ARID1B: variants seen among roughly 807,000 people sequenced by gnomAD.
ARID1B encodes the protein AT-rich interactive domain-containing protein 1B.
A neutral mutation model predicts 212.3 loss-of-function variants in ARID1B; 30 were observed. The ratio of observed to expected loss-of-function variants is 0.14; its 90% confidence interval spans 0.11 to 0.19. ARID1B has a LOEUF of 0.19. ARID1B is among the 10% of genes least tolerant of loss of function. ARID1B has a pLI of 1.00. For missense variants in ARID1B, 2,891 were observed against 3,204.0 expected, an observed-to-expected ratio of 0.90 and a Z score of 2.36; for synonymous variants, 1,402 against 1,301.7, an observed-to-expected ratio of 1.08 and a Z score of -1.66.
At chr6:157,049,544 CA>C (rs1365308303) in intron 4 of ARID1B, among the ~76,000 whole-genome samples, 1 of 152,132 alleles carries the variant, frequency 6.6e-6, no homozygotes, top group Non-Finnish European at 1.5e-5. Context: ...CTTAAGAAGC[CA>C]TGTACATTTT....
At chr6:157,003,702 T>G (rs754356017) in intron 4 of ARID1B, among the ~76,000 whole-genome samples, 2 of 152,204 alleles carry the variant, frequency 1.3e-5, no homozygotes, top group Non-Finnish European at 2.9e-5. Flanking sequence ...TTATTTATTT[T>G]TTAAGAGTTA....
rs1450272524 is a variant in ARID1B at position 157,207,710 on chromosome 6, C to T, written c.6938C>T (p.Pro2313Leu). 2 of 1,602,654 alleles carry T rather than the reference C, an allele frequency of 1.2e-6. No individual in the cohort carries two copies. The highest frequency in any genetic ancestry group is 8.5e-7 in the Non-Finnish European group (1 of 1,170,558). Residue 2313 changes from proline (P) to leucine (L), a missense_variant, in exon 20 of 20, where the codon CCT (proline) becomes CTT (leucine). Physicochemically the swap from Pro to Leu is moderately conservative, Grantham distance 98. Around this residue, in one of 7 missense-constraint regions of ARID1B, gnomAD observed 187 missense variants for 306.5 expected, o/e 0.61. Coordinates refer to ENST00000636930, the MANE Select transcript of ARID1B (RefSeq NM_001374828.1). The surrounding 1 kb of genome is among the most constrained non-coding windows in gnomAD (Gnocchi z 8.5). ...ATGCAGCCCCCGCCCCTGGAACCAC[C>T]TAGCGTAGACATGATGTGCAGGGCG... ...MHMQPPPLEP[P>L]SVDMMCRAAK...
Position 156,927,638 on chromosome 6 carries a change from T to C in ARID1B, c.2137-7828T>C, listed in dbSNP as rs145001278. The stretch of plus-strand genomic sequence containing the variant: ...ACTGCCAGTAACAAACAGCAAAATG[T>C]GTTCTGTAGCACATTTACCAGGCAG... On this transcript the variant is annotated intron_variant, in intron 3 of 19. Transcript: ENST00000636930. Among the ~76,000 whole-genome samples the C allele has an allele frequency of 3.8e-3, 580 of 152,352 alleles. 5 individuals are homozygous for C. The highest frequency in any genetic ancestry group is 0.013 in the African/African-American group (555 of 41,580).
chr6:157,070,124 C>A (rs1192388139), intron 4 of ARID1B, among the ~76,000 whole-genome samples: 2 of 151,800 alleles, frequency 1.3e-5, no homozygotes, highest in Non-Finnish European at 2.9e-5. Flanking sequence ...CACTACTGAT[C>A]ATTTTTTTTC....
intron 3 of ARID1B, among the ~76,000 whole-genome samples, chr6:156,931,646 C>A (rs1354199941): frequency 2.0e-5 from 3 of 151,994 alleles, no homozygotes; most frequent in Non-Finnish European, 2.9e-5. Context: ...TAGTGATACC[C>A]CATCTCTCAA....
chr6:156,832,016 T>A (rs1321219721), intron 2 of ARID1B, among the ~76,000 whole-genome samples: 1 of 152,254 alleles, frequency 6.6e-6, no homozygotes, highest in African/African-American at 2.4e-5. Context: ...TATAGTATCT[T>A]GTTTTAAAAT....
chr6:156,860,045 TC>T (rs1427299156), intron 2 of ARID1B, among the ~76,000 whole-genome samples: 2 of 152,220 alleles, frequency 1.3e-5, no homozygotes, highest in Non-Finnish European at 2.9e-5. Flanking sequence ...AATGGAATCT[TC>T]CTGCTCAGTC....
rs1235681331 is a variant in ARID1B, at chr6:156,934,961, T to TATATATAA, written c.2137-504_2137-503insTATATAAA. 2.3e-4 allele frequency among the ~76,000 whole-genome samples: 21 copies of TATATATAA among 90,438 alleles called. 3 individuals are homozygous for TATATATAA. The highest frequency in any genetic ancestry group is 8.2e-4 in the East Asian group (2 of 2,434). 59.3% of individuals were successfully genotyped at this position (90,438 alleles called of 152,430 possible). On this transcript the variant is annotated intron_variant, in intron 3 of 19. Transcript: ENST00000636930. ...ATATATATATATATATATATATATA[T>TATATATAA]AGTTTATATTTCTGCTGTTATTCAC...
At chr6:156,816,858 C>T (rs1429464348) in intron 1 of ARID1B, among the ~76,000 whole-genome samples, 2 of 152,070 alleles carry the variant, frequency 1.3e-5, no homozygotes, top group African/African-American at 4.8e-5. Flanking sequence ...TTGGATTTTT[C>T]GGACCCCTTT....
intron 4 of ARID1B, among the ~76,000 whole-genome samples, chr6:157,082,504 T>G (rs765998158): frequency 1.3e-5 from 2 of 152,186 alleles, no homozygotes; most frequent in African/African-American, 2.4e-5. Flanking sequence ...TTTATATACC[T>G]TTGAATTCTA....
intron 8 of ARID1B, among the ~76,000 whole-genome samples, chr6:157,154,580 G>GTTT (rs1274752634): frequency 4.4e-4 from 49 of 111,572 alleles, no homozygotes; most frequent in African/African-American, 7.6e-4. Flanking sequence ...TTTTTTTTTT[G>GTTT]TTTTTTTTTT....
intron 4 of ARID1B, among the ~76,000 whole-genome samples, chr6:156,949,515 G>T (rs1793420897): frequency 6.6e-6 from 1 of 152,140 alleles, no homozygotes; most frequent in African/African-American, 2.4e-5. Context: ...GCCTGTCAGG[G>T]CTGCCGGTGC....
intron 4 of ARID1B, among the ~76,000 whole-genome samples, chr6:156,975,624 T>C (rs890065024): frequency 3.3e-5 from 5 of 150,096 alleles, no homozygotes; most frequent in Non-Finnish European, 7.4e-5. Context: ...TTTTTTTTTT[T>C]TTTTTTCAGT....
intron 2 of ARID1B, among the ~76,000 whole-genome samples, chr6:156,864,482 T>C (rs982115958): frequency 1.3e-5 from 2 of 152,206 alleles, no homozygotes; most frequent in Non-Finnish European, 2.9e-5. Context: ...TTAGCCTAGT[T>C]TTTAAAAAGT....
intron 6 of ARID1B, among the ~76,000 whole-genome samples, chr6:157,120,168 G>A (rs1000814915): frequency 1.3e-5 from 2 of 152,168 alleles, no homozygotes; most frequent in Non-Finnish European, 2.9e-5. Context: ...CACTGAAGTG[G>A]ACTTTTGCAG....
chr6:156,982,346 C>G (rs180756981), intron 4 of ARID1B, among the ~76,000 whole-genome samples: 1 of 151,054 alleles, frequency 6.6e-6, no homozygotes, highest in South Asian at 2.1e-4. Context: ...TGACGTTGCC[C>G]TTTCTTTCTG....
intron 2 of ARID1B, among the ~76,000 whole-genome samples, chr6:156,901,109 C>T (rs572977954): frequency 1.8e-4 from 28 of 152,184 alleles, no homozygotes; most frequent in African/African-American, 6.5e-4. Flanking sequence ...GCACTTCCTC[C>T]CCTCTCCACC....
chr6:156,798,007 G>T (rs1780513862), intron 1 of ARID1B, among the ~76,000 whole-genome samples: 1 of 152,254 alleles, frequency 6.6e-6, no homozygotes, highest in Admixed American at 6.5e-5. Context: ...GGCTGACATT[G>T]TGGTCATTTC....
rs1562542228 is a variant in ARID1B, at chr6:157,004,897, C to CTTTTTTGTTTTTTTTTTTTTTTTTTTT, written c.2247+69327_2247+69328insGTTTTTTTTTTTTTTTTTTTTTTTTTT. Reference sequence around the variant, plus strand: ...TTTTTTCTTTTTCTTCTTCTTTTTTCTTTTTTTTTTTTTTTTTTTTTTTTT... The same window carrying CTTTTTTGTTTTTTTTTTTTTTTTTTTT: ...TTTTTTCTTTTTCTTCTTCTTTTTTCTTTTTTGTTTTTTTTTTTTTTTTTTTTTTTTTTTTTTTTTTTTTTTTTTTTT... On this transcript the variant is annotated intron_variant, in intron 4 of 19. Coordinates refer to ENST00000636930, the MANE Select transcript of ARID1B (RefSeq NM_001374828.1). Among the ~76,000 whole-genome samples, 17 of 54,720 alleles carry CTTTTTTGTTTTTTTTTTTTTTTTTTTT rather than the reference C, an allele frequency of 3.1e-4. 1 individual carries two copies. Among genetic ancestry groups the CTTTTTTGTTTTTTTTTTTTTTTTTTTT allele is most frequent in the Admixed American group, 4.6e-4 (2 of 4,366 alleles). 35.9% of individuals were successfully genotyped at this position (54,720 alleles called of 152,430 possible).
Sources: gnomAD v4.1 joint callset for allele counts (sites outside exome capture counted in the v4.1 genomes callset) on GRCh38, gnomAD v4.1.1 for gene constraint, gnomAD v4.1.1 regional missense constraint, Gnocchi (gnomAD v3.1) non-coding constraint, MANE v1.5 for transcripts, NCBI Gene and HGNC (gene_info 2026-07-23, HGNC 2026-07-21) for gene names.